EBF1: variants seen among roughly 807,000 people sequenced by gnomAD.
EBF1 encodes EBF transcription factor 1.
EBF1 carries 10 observed loss-of-function variants against 68.4 expected under a neutral mutation model. That is an observed-to-expected ratio of 0.15 (90% CI 0.09 to 0.25). EBF1 has a LOEUF of 0.25. Ranked by LOEUF, EBF1 falls within the 10% of genes least tolerant of loss-of-function variation. The probability of loss-of-function intolerance (pLI) is 1.00; values close to 1 mark genes in which losing one functional copy is unlikely to be tolerated. For synonymous variants in EBF1, 298 were observed against 299.8 expected (o/e 0.99, Z 0.06); for missense variants, 509 against 794.4 (o/e 0.64, Z 4.32).
chr5:158,985,608 T>C (rs1758868794), intron 6 of EBF1, among the ~76,000 whole-genome samples: 1 of 152,212 alleles, frequency 6.6e-6, no homozygotes, highest in South Asian at 2.1e-4. Context: ...TGCATCTACT[T>C]TTTTGTTTGT....
At chr5:158,707,667 G>C (rs951857756) in intron 15 of EBF1, 1 of 353,308 alleles carries the variant, frequency 2.8e-6, no homozygotes, top group Non-Finnish European at 5.3e-6. Flanking sequence ...GAGTGAAAGA[G>C]GAGAAAAGAG....
chr5:158,704,629 C>T (rs202067922), intron 15 of EBF1, among the ~76,000 whole-genome samples: 34 of 141,646 alleles, frequency 2.4e-4, no homozygotes, highest in African/African-American at 8.6e-4. Flanking sequence ...TCCTTTTTTT[C>T]TTTTTTTTTT....
chr5:159,058,515 C>T (rs1775198879), intron 6 of EBF1, among the ~76,000 whole-genome samples: 1 of 152,210 alleles, frequency 6.6e-6, no homozygotes, highest in Non-Finnish European at 1.5e-5. Flanking sequence ...TACCCTTTCA[C>T]ATTTCCACAA....
At chr5:158,732,290 AAAGT>A (rs1385936835) in intron 10 of EBF1, among the ~76,000 whole-genome samples, 4 of 152,214 alleles carry the variant, frequency 2.6e-5, no homozygotes, top group African/African-American at 7.2e-5. Context: ...CTAAATTTTA[AAAGT>A]AAGATTCATA....
chr5:158,981,989 A>G lies in EBF1; in HGVS notation c.554+91407T>C, dbSNP rs1010456344. ...GCTAGATAAGCCTCCTGATAATATCATTTTAAAATTGCATCCAGTTCACTC... is the reference window on the plus strand; with the variant it reads ...GCTAGATAAGCCTCCTGATAATATCGTTTTAAAATTGCATCCAGTTCACTC... On this transcript the variant is annotated intron_variant, in intron 6 of 15. Coordinates refer to ENST00000313708, the MANE Select transcript of EBF1 (RefSeq NM_024007.5). Among the ~76,000 whole-genome samples, 12 of 152,372 alleles carry G rather than the reference A, an allele frequency of 7.9e-5. No homozygotes were observed. The East Asian group carries it at 2.3e-3, about 29-fold the overall frequency.
At chr5:158,919,688 T>C (rs1438584919) in intron 6 of EBF1, among the ~76,000 whole-genome samples, 1 of 152,142 alleles carries the variant, frequency 6.6e-6, no homozygotes, top group Admixed American at 6.6e-5. Context: ...GGACAAAGGA[T>C]AGGAATATTC....
intron 6 of EBF1, among the ~76,000 whole-genome samples, chr5:159,061,296 C>T (rs373795046): frequency 3.3e-5 from 5 of 152,036 alleles, no homozygotes; most frequent in Non-Finnish European, 7.4e-5. Flanking sequence ...AGCTGGTTCT[C>T]ATTTTGAAAC....
At chr5:158,726,464 C>T (rs969468218) in intron 11 of EBF1, among the ~76,000 whole-genome samples, 3 of 152,120 alleles carry the variant, frequency 2.0e-5, no homozygotes, top group Non-Finnish European at 2.9e-5. Context: ...TCTATCAAGG[C>T]TCAGGGGTAT....
intron 6 of EBF1, among the ~76,000 whole-genome samples, chr5:158,896,720 T>G (rs1238169868): frequency 6.6e-6 from 1 of 152,204 alleles, no homozygotes; most frequent in Non-Finnish European, 1.5e-5. Context: ...CTCACCATCT[T>G]CTTTCATTAC....
intron 8 of EBF1, among the ~76,000 whole-genome samples, chr5:158,805,514 CAT>C (rs945506686): frequency 1.6e-4 from 25 of 152,102 alleles, no homozygotes; most frequent in African/African-American, 6.0e-4. Flanking sequence ...GCAATAAAAA[CAT>C]AGATGCGTGC....
At chr5:158,726,085 A>G (rs996145603) in intron 11 of EBF1, among the ~76,000 whole-genome samples, 6 of 152,244 alleles carry the variant, frequency 3.9e-5, no homozygotes, top group African/African-American at 1.4e-4. Flanking sequence ...TTTTGCCTGC[A>G]TGTTTAGCTG....
At chr5:158,785,632 C>T (rs1309332206) in intron 9 of EBF1, among the ~76,000 whole-genome samples, 1 of 152,146 alleles carries the variant, frequency 6.6e-6, no homozygotes, top group East Asian at 1.9e-4. Flanking sequence ...TTCCTTTTGT[C>T]CTTTCAAGAA....
At chr5:158,995,990 C>T (rs1459003276) in intron 6 of EBF1, among the ~76,000 whole-genome samples, 1 of 152,158 alleles carries the variant, frequency 6.6e-6, no homozygotes, top group Non-Finnish European at 1.5e-5. Flanking sequence ...GACTTAGACT[C>T]CCTGAGGATC....
At chr5:159,073,266 CAGCGTA>C in intron 6 of EBF1, 124 bp downstream of exon 6, 1 of 883,544 alleles carries the variant, frequency 1.1e-6, no homozygotes, top group East Asian at 2.4e-5. Context: ...TCGCTCAGCA[CAGCGTA>C]AGTCATGACC....
intron 6 of EBF1, among the ~76,000 whole-genome samples, chr5:159,031,696 C>T (rs951257035): frequency 2.6e-5 from 4 of 152,180 alleles, no homozygotes; most frequent in Non-Finnish European, 4.4e-5. Context: ...TGATTTAGAG[C>T]TTGCTCCTAT....
intron 2 of EBF1, chr5:159,096,700 G>T (rs1190182819): frequency 1.6e-6 from 1 of 606,070 alleles, no homozygotes; most frequent in East Asian, 2.8e-5. Flanking sequence ...ATCTGGTAGT[G>T]GAGGGCGGGT....
intron 11 of EBF1, among the ~76,000 whole-genome samples, chr5:158,726,513 A>T (rs1444937121): frequency 1.3e-5 from 2 of 152,182 alleles, no homozygotes; most frequent in African/African-American, 4.8e-5. Context: ...TGTATTTATT[A>T]CTCCCACTGG....
At chr5:158,758,551 A>T (rs1348176474) in intron 10 of EBF1, among the ~76,000 whole-genome samples, 1 of 152,160 alleles carries the variant, frequency 6.6e-6, no homozygotes. Context: ...TGACTTTTTT[A>T]AAAAAACATA....
In EBF1 at chr5:159,097,835, G is replaced by A. The variant is rs543937438; in HGVS notation, c.135-705C>T. On this transcript the variant is annotated intron_variant, in intron 1 of 15. Coordinates refer to ENST00000313708, the MANE Select transcript of EBF1 (RefSeq NM_024007.5). ...TCCAGAAATCCTAAAGGCCAGGGCT[G>A]CTGGCTCAGTGCGCCGGCCGGCGAT... is the stretch of plus-strand genomic sequence containing the variant. Among the ~76,000 whole-genome samples, 5 of 152,364 alleles carry A rather than the reference G, an allele frequency of 3.3e-5. No individual in the cohort carries two copies. The East Asian group carries it at 7.7e-4, about 24-fold the overall frequency.
Sources: gnomAD v4.1 joint callset for allele counts (sites outside exome capture counted in the v4.1 genomes callset) on GRCh38, gnomAD v4.1.1 for gene constraint, MANE v1.5 for transcripts, NCBI Gene and HGNC (gene_info 2026-07-23, HGNC 2026-07-21) for gene names.